The following NRG3 variants were observed in gnomAD, a reference collection of about 807,000 sequenced individuals.
NRG3 encodes neuregulin 3.
Under a neutral mutation model 66.9 loss-of-function variants are expected in NRG3, and 31 were observed. The ratio of observed to expected loss-of-function variants is 0.46; its 90% CI spans 0.35 to 0.63. The LOEUF (loss-of-function observed/expected upper bound fraction) is 0.63, where lower values mean the gene tolerates loss of function less well. NRG3 is among the 20% of genes least tolerant of loss of function. The pLI is 0.00. For synonymous variants in NRG3, 393 were observed against 359.4 expected (o/e 1.09, Z -1.06); for missense variants, 910 against 878.9 (o/e 1.04, Z -0.45).
chr10:82,654,125 G>A (rs79479388), intron 2 of NRG3, among the ~76,000 whole-genome samples: 3,134 of 152,172 alleles, frequency 0.021, 121 homozygotes, highest in African/African-American at 0.072. Flanking sequence ...CATGGGATGC[G>A]ACCGTAAGTG....
intron 4 of NRG3, among the ~76,000 whole-genome samples, chr10:82,902,042 A>T (rs1190616036): frequency 6.6e-6 from 1 of 152,198 alleles, no homozygotes; most frequent in African/African-American, 2.4e-5. Context: ...GATGGATATA[A>T]CCAACCGAAA....
At chr10:82,015,407 C>A (rs754710004) in intron 1 of NRG3, among the ~76,000 whole-genome samples, 26 of 152,096 alleles carry the variant, frequency 1.7e-4, no homozygotes, top group Non-Finnish European at 3.2e-4. Context: ...GGGAACAAAT[C>A]TCATCAATAT....
At chr10:82,030,681 A>G (rs114792819) in intron 1 of NRG3, among the ~76,000 whole-genome samples, 2,051 of 149,322 alleles carry the variant, frequency 0.014, 50 homozygotes, top group African/African-American at 0.049. Context: ...GCACTTCCCA[A>G]CAGAAATGTC....
At chr10:82,696,578 T>C (rs376204739) in intron 2 of NRG3, among the ~76,000 whole-genome samples, 1 of 152,278 alleles carries the variant, frequency 6.6e-6, no homozygotes, top group African/African-American at 2.4e-5. Flanking sequence ...GCCAATCTTT[T>C]TCTGATGTTT....
At chr10:82,029,447 G>C (rs1382589535) in intron 1 of NRG3, among the ~76,000 whole-genome samples, 1 of 152,030 alleles carries the variant, frequency 6.6e-6, no homozygotes, top group Non-Finnish European at 1.5e-5. Flanking sequence ...AATGGTTGTG[G>C]TTATCTTGCA....
intron 1 of NRG3, among the ~76,000 whole-genome samples, chr10:81,911,485 C>T (rs548798553): frequency 1.1e-4 from 16 of 151,936 alleles, no homozygotes; most frequent in African/African-American, 3.1e-4. Flanking sequence ...AATGCCCTCT[C>T]GACAGTGTCA....
intron 1 of NRG3, among the ~76,000 whole-genome samples, chr10:82,347,087 G>A (rs1427911782): frequency 6.7e-6 from 1 of 149,802 alleles, no homozygotes; most frequent in African/African-American, 2.5e-5. Context: ...TCTGATTTTA[G>A]TTATTTCTTG....
At chr10:81,894,577 T>TG (rs1407462895) in intron 1 of NRG3, among the ~76,000 whole-genome samples, 3 of 151,964 alleles carry the variant, frequency 2.0e-5, no homozygotes, top group South Asian at 2.1e-4. Flanking sequence ...GACATATGAA[T>TG]GGGGGGACAC....
intron 2 of NRG3, among the ~76,000 whole-genome samples, chr10:82,671,832 A>G (rs1001740735): frequency 1.3e-5 from 2 of 152,222 alleles, no homozygotes; most frequent in African/African-American, 4.8e-5. Flanking sequence ...ATAATTAGGC[A>G]GCAGTCAAAA....
At chr10:81,950,948 C>T (rs1236961206) in intron 1 of NRG3, among the ~76,000 whole-genome samples, 3 of 149,758 alleles carry the variant, frequency 2.0e-5, no homozygotes, top group African/African-American at 7.5e-5. Context: ...TGCAATCTTG[C>T]CCTTGAGAAA....
chr10:82,905,470 A>G (rs963577523), intron 4 of NRG3, among the ~76,000 whole-genome samples: 2 of 152,146 alleles, frequency 1.3e-5, no homozygotes, highest in Non-Finnish European at 2.9e-5. Flanking sequence ...CAAAATCTCT[A>G]TTATTTGAAT....
intron 1 of NRG3, among the ~76,000 whole-genome samples, chr10:82,302,977 A>G (rs1191579854): frequency 6.6e-6 from 1 of 152,200 alleles, no homozygotes; most frequent in Non-Finnish European, 1.5e-5. Context: ...TGTGGCCTCC[A>G]GTATCAACCA....
chr10:82,771,036 C>T (rs2059695815), intron 3 of NRG3, among the ~76,000 whole-genome samples: 1 of 152,032 alleles, frequency 6.6e-6, no homozygotes, highest in Non-Finnish European at 1.5e-5. Flanking sequence ...ATTAATGATC[C>T]AAGGATTTAT....
At chr10:82,703,535 T>C (rs2056058190) in intron 2 of NRG3, among the ~76,000 whole-genome samples, 1 of 152,120 alleles carries the variant, frequency 6.6e-6, no homozygotes, top group Non-Finnish European at 1.5e-5. Context: ...GTGTTTTGGG[T>C]ACTGTCAGGG....
At chr10:82,574,103 A>G (rs1028226557) in intron 2 of NRG3, among the ~76,000 whole-genome samples, 1 of 151,832 alleles carries the variant, frequency 6.6e-6, no homozygotes, top group African/African-American at 2.4e-5. Flanking sequence ...TGGCAGCACT[A>G]TTCACAACAG....
intron 2 of NRG3, among the ~76,000 whole-genome samples, chr10:82,614,291 C>A (rs977067108): frequency 6.6e-6 from 1 of 152,150 alleles, no homozygotes; most frequent in South Asian, 2.1e-4. Context: ...TATTTTAGTG[C>A]AGATGTGTAC....
At chr10:82,735,824 A>G (rs564754147) in intron 2 of NRG3, among the ~76,000 whole-genome samples, 51 of 152,280 alleles carry the variant, frequency 3.3e-4, no homozygotes, top group African/African-American at 1.1e-3. Flanking sequence ...TAAAACCTGG[A>G]TGTCGGGTTG....
intron 2 of NRG3, among the ~76,000 whole-genome samples, chr10:82,483,438 A>T (rs144211155): frequency 1.1e-3 from 168 of 152,340 alleles, no homozygotes; most frequent in African/African-American, 3.7e-3. Flanking sequence ...CTGAGAAAAT[A>T]ATCTGGCTTT....
intron 2 of NRG3, among the ~76,000 whole-genome samples, chr10:82,664,392 C>A (rs2052601788): frequency 6.6e-6 from 1 of 152,096 alleles, no homozygotes; most frequent in East Asian, 1.9e-4. Flanking sequence ...ACTTCCGAGA[C>A]TGTTTTCATC....
Sources: gnomAD v4.1 joint callset for allele counts (sites outside exome capture counted in the v4.1 genomes callset) on GRCh38, gnomAD v4.1.1 for gene constraint, MANE v1.5 for transcripts, NCBI Gene and HGNC (gene_info 2026-07-23, HGNC 2026-07-21) for gene names.